The following GRIN2B variants were observed in gnomAD, a reference collection of about 807,000 sequenced individuals.
GRIN2B encodes the protein glutamate receptor ionotropic, NMDA 2B.
GRIN2B carries 5 observed loss-of-function variants against 114.5 expected under a neutral mutation model. The observed-to-expected ratio is 0.04, with a 90% CI of 0.02 to 0.09. GRIN2B has a LOEUF of 0.09. GRIN2B is among the 10% of genes least tolerant of loss of function. GRIN2B has a pLI of 1.00. For synonymous variants in GRIN2B, 787 were observed against 745.1 expected, an observed-to-expected ratio of 1.06 and a Z score of -0.92; for missense variants, 1,108 against 1,943.5, an observed-to-expected ratio of 0.57 and a Z score of 8.08.
At chr12:13,708,553 TAA>T (rs1227250883) in intron 4 of GRIN2B, among the ~76,000 whole-genome samples, 4 of 152,142 alleles carry the variant, frequency 2.6e-5, no homozygotes, top group African/African-American at 4.8e-5. Context: ...CTCCACATTT[TAA>T]AAGTTATCTT....
chr12:13,673,210 G>T (rs1950039612), intron 5 of GRIN2B, among the ~76,000 whole-genome samples: 1 of 152,124 alleles, frequency 6.6e-6, no homozygotes, highest in African/African-American at 2.4e-5. Flanking sequence ...TCAAAGGATG[G>T]TTATGATTAT....
At chr12:13,761,293 C>T (rs1439744409) in intron 3 of GRIN2B, among the ~76,000 whole-genome samples, 1 of 152,148 alleles carries the variant, frequency 6.6e-6, no homozygotes, top group Non-Finnish European at 1.5e-5. Context: ...CATTTTCCTC[C>T]CTGACTGAGT....
At chr12:13,971,324 T>C (rs900569604) in intron 2 of GRIN2B, among the ~76,000 whole-genome samples, 2 of 152,234 alleles carry the variant, frequency 1.3e-5, no homozygotes, top group African/African-American at 4.8e-5. Flanking sequence ...GATTCATAAA[T>C]CTGGGTTTTT....
intron 4 of GRIN2B, among the ~76,000 whole-genome samples, chr12:13,721,625 T>C (rs999816919): frequency 3.3e-5 from 5 of 152,048 alleles, no homozygotes; most frequent in African/African-American, 1.2e-4. Flanking sequence ...ATTTTCACCA[T>C]GCTAAGTTTT....
At chr12:13,664,463 G>A (rs77309663) in intron 5 of GRIN2B, among the ~76,000 whole-genome samples, 3,461 of 152,052 alleles carry the variant, frequency 0.023, 122 homozygotes, top group African/African-American at 0.072. Context: ...CAAAAAATTC[G>A]TATCATTACT....
In GRIN2B at chr12:13,642,940, C is replaced by T. The variant is rs185116109; in HGVS notation, c.1126-26283G>A. Among the ~76,000 whole-genome samples the T allele has an allele frequency of 4.3e-3, 662 of 152,218 alleles. 4 individuals carry two copies. The highest frequency in any genetic ancestry group is 7.3e-3 in the Non-Finnish European group (494 of 68,000). On this transcript the variant is annotated intron_variant, in intron 5 of 13. Transcript: ENST00000609686. The stretch of plus-strand genomic sequence containing the variant: ...CCATTATGCTATGATTGCATGGCTA[C>T]CTAGCTTATTCTTCAAACTCAGTAT...
chr12:13,930,508 C>T (rs1867007796), intron 2 of GRIN2B, among the ~76,000 whole-genome samples: 1 of 152,142 alleles, frequency 6.6e-6, no homozygotes, highest in Non-Finnish European at 1.5e-5. Context: ...TGATCTTGAG[C>T]CGGTAAAAAC....
intron 4 of GRIN2B, among the ~76,000 whole-genome samples, chr12:13,740,862 C>T (rs1182934371): frequency 6.6e-6 from 1 of 152,070 alleles, no homozygotes; most frequent in Non-Finnish European, 1.5e-5. Flanking sequence ...AAGATCAGAG[C>T]AAGACCAGCA....
At chr12:13,848,024 T>C (rs1308807267) in intron 3 of GRIN2B, among the ~76,000 whole-genome samples, 3 of 152,120 alleles carry the variant, frequency 2.0e-5, no homozygotes, top group Non-Finnish European at 4.4e-5. Context: ...CCTGCTCAGC[T>C]GAGGACAACT....
intron 5 of GRIN2B, among the ~76,000 whole-genome samples, chr12:13,643,571 A>C (rs1450327505): frequency 6.6e-6 from 1 of 152,000 alleles, no homozygotes; most frequent in Non-Finnish European, 1.5e-5. Flanking sequence ...ATAAAACAAC[A>C]CTGAAGTTTG....
chr12:13,607,381 TATA>T, intron 10 of GRIN2B, among the ~76,000 whole-genome samples: 1 of 71,142 alleles, frequency 1.4e-5, no homozygotes, highest in South Asian at 3.0e-4. Flanking sequence ...ATATTATATA[TATA>T]ATATATATTA....
chr12:13,772,144 G>T (rs1471975369), intron 3 of GRIN2B, among the ~76,000 whole-genome samples: 1 of 152,152 alleles, frequency 6.6e-6, no homozygotes, highest in Non-Finnish European at 1.5e-5. Flanking sequence ...TAAAAGTCAC[G>T]TTCTTCAGCT....
At chr12:13,961,184 G>C (rs576836637) in intron 2 of GRIN2B, among the ~76,000 whole-genome samples, 3 of 152,150 alleles carry the variant, frequency 2.0e-5, no homozygotes, top group Admixed American at 2.0e-4. Flanking sequence ...CTGAATTCCA[G>C]TTCGAGGAAA....
At position 13,564,049 on chromosome 12, in the gene GRIN2B, G is replaced by A. The variant is rs1048069070; in HGVS notation, c.3189C>T (p.Ile1063=). 5.6e-6 allele frequency: 9 copies of A among 1,614,152 alleles called. No homozygotes were observed. The highest frequency in any genetic ancestry group is 1.1e-5 in the South Asian group (1 of 91,096). ...DDLIRSDVSD[I]STHTVTYGNI... is the part of the protein sequence containing the mutation. ...TCCCATAGGTGACGGTGTGGGTTGA[G>A]ATGTCAGAGACATCGGAGCGGATCA... The change falls in exon 14 of 14, where the codon ATC becomes ATT. Residue 1063 remains isoleucine (I), a synonymous_variant. Coordinates refer to ENST00000609686, the MANE Select transcript of GRIN2B (RefSeq NM_000834.5). The surrounding 1 kb of genome is among the most constrained non-coding windows in gnomAD (Gnocchi z 4.8).
chr12:13,775,255 A>G (rs1193503341), intron 3 of GRIN2B, among the ~76,000 whole-genome samples: 2 of 152,206 alleles, frequency 1.3e-5, no homozygotes, highest in Non-Finnish European at 2.9e-5. Context: ...AAGATAACAT[A>G]ATAGGTAATA....
chr12:13,673,853 T>C (rs1591669700), intron 5 of GRIN2B, among the ~76,000 whole-genome samples: 1 of 152,220 alleles, frequency 6.6e-6, no homozygotes, highest in South Asian at 2.1e-4. Flanking sequence ...GTACATCTTA[T>C]GAGCTACCTA....
intron 3 of GRIN2B, among the ~76,000 whole-genome samples, chr12:13,811,143 C>A (rs1366376317): frequency 2.0e-5 from 3 of 152,142 alleles, no homozygotes; most frequent in Non-Finnish European, 4.4e-5. Context: ...TATAAGTGTT[C>A]GGGAAGGGGA....
At chr12:13,627,128 T>C (rs1949576462) in intron 5 of GRIN2B, among the ~76,000 whole-genome samples, 1 of 151,968 alleles carries the variant, frequency 6.6e-6, no homozygotes. Context: ...AACTGACCTA[T>C]GGAAGGAGAG....
At chr12:13,869,435 T>C (rs1331702003) in intron 2 of GRIN2B, among the ~76,000 whole-genome samples, 1 of 152,120 alleles carries the variant, frequency 6.6e-6, no homozygotes, top group Non-Finnish European at 1.5e-5. Flanking sequence ...ATACTGAGTT[T>C]CTACCATTAG....
Sources: gnomAD v4.1 joint callset for allele counts (sites outside exome capture counted in the v4.1 genomes callset) on GRCh38, gnomAD v4.1.1 for gene constraint, Gnocchi (gnomAD v3.1) non-coding constraint, MANE v1.5 for transcripts, NCBI Gene and HGNC (gene_info 2026-07-23, HGNC 2026-07-21) for gene names.